ADAM23: variants seen among roughly 807,000 people sequenced by gnomAD.
ADAM23 encodes disintegrin and metalloproteinase domain-containing protein 23.
ADAM23 carries 33 observed loss-of-function variants against 120.1 expected under a neutral mutation model. That is an observed-to-expected ratio of 0.27 (90% CI 0.21 to 0.37). The LOEUF is 0.37. ADAM23 is among the 10% of genes least tolerant of loss of function. The pLI, the probability that ADAM23 is intolerant of heterozygous loss-of-function variation, is 1.00. For missense variants in ADAM23, 862 were observed against 1,058.2 expected, an observed-to-expected ratio of 0.81 and a Z score of 2.57; for synonymous variants, 367 against 375.2, an observed-to-expected ratio of 0.98 and a Z score of 0.25.
intron 18 of ADAM23, among the ~76,000 whole-genome samples, chr2:206,584,846 C>T (rs989061339): frequency 1.3e-5 from 2 of 152,180 alleles, no homozygotes; most frequent in African/African-American, 2.4e-5. Context: ...TGGCCACCTT[C>T]CCGTTGGATC....
At chr2:206,550,417 A>G (rs1201760459) in intron 9 of ADAM23, among the ~76,000 whole-genome samples, 1 of 152,030 alleles carries the variant, frequency 6.6e-6, no homozygotes. Context: ...TAAAATTCTT[A>G]TTCTCTACTT....
rs1382462819 is a variant in ADAM23, at chr2:206,596,168, T to C, written c.2359+6T>C. 1 of 1,611,464 alleles carries C rather than the reference T, an allele frequency of 6.2e-7. No homozygotes were observed. The highest frequency in any genetic ancestry group is 1.1e-5 in the South Asian group (1 of 90,712). ...CAAGGATGAAGGACCCAAGGGTTTG[T>C]GTGATTTTGGTTTCAATTCATGGAA... On this transcript the variant is annotated splice_donor_region_variant and intron_variant, in intron 24 of 25. Transcript: ENST00000264377.
At chr2:206,499,089 G>A (rs1696323211) in intron 3 of ADAM23, among the ~76,000 whole-genome samples, 1 of 152,016 alleles carries the variant, frequency 6.6e-6, no homozygotes, top group African/African-American at 2.4e-5. Context: ...TCAGTGTGAT[G>A]ATTCCTCAGG....
chr2:206,445,601 A>T, intron 2 of ADAM23, 77 bp downstream of exon 2: 1 of 1,310,170 alleles, frequency 7.6e-7, no homozygotes, highest in Non-Finnish European at 1.1e-6. Context: ...CCAGAATCTG[A>T]GTTCACAAAT....
At chr2:206,599,120 G>A (rs182967313) in intron 24 of ADAM23, among the ~76,000 whole-genome samples, 7 of 150,390 alleles carry the variant, frequency 4.7e-5, no homozygotes, top group South Asian at 2.1e-4. Context: ...TAGGAGAATC[G>A]CTTGAACCCA....
chr2:206,482,903 A>C (rs1695926908), intron 3 of ADAM23, among the ~76,000 whole-genome samples: 1 of 152,208 alleles, frequency 6.6e-6, no homozygotes, highest in African/African-American at 2.4e-5. Flanking sequence ...CTGAAGAGGC[A>C]AGGCCACGTT....
chr2:206,477,895 A>ATATATATATATAT (rs1553548627), intron 2 of ADAM23, among the ~76,000 whole-genome samples: 162 of 101,732 alleles, frequency 1.6e-3, no homozygotes, highest in African/African-American at 2.4e-3. Context: ...AAAAAAAAAA[A>ATATATATATATAT]AAATATATAT....
chr2:206,567,085 A>G (rs1284775666), intron 14 of ADAM23, 138 bp from the exon 15 acceptor site: 15 of 657,438 alleles, frequency 2.3e-5, no homozygotes, highest in Non-Finnish European at 1.0e-5. Flanking sequence ...CAATTTGAAC[A>G]TAAGTCCCTT....
At chr2:206,457,479 G>A (rs1695322905) in intron 2 of ADAM23, among the ~76,000 whole-genome samples, 1 of 152,118 alleles carries the variant, frequency 6.6e-6, no homozygotes, top group Admixed American at 6.5e-5. Context: ...CTTTCTTCTT[G>A]ATGATAAAGA....
intron 2 of ADAM23, among the ~76,000 whole-genome samples, chr2:206,462,037 G>A (rs892975466): frequency 4.6e-5 from 7 of 152,126 alleles, no homozygotes; most frequent in African/African-American, 7.2e-5. Context: ...ACACTGCCTC[G>A]ATTTATCACT....
intron 15 of ADAM23, among the ~76,000 whole-genome samples, chr2:206,568,816 T>A (rs1361842524): frequency 6.6e-6 from 1 of 152,258 alleles, no homozygotes; most frequent in African/African-American, 2.4e-5. Context: ...TTAACCTTTT[T>A]TTTTAAATCA....
chr2:206,495,875 A>G (rs188257606), intron 3 of ADAM23, among the ~76,000 whole-genome samples: 1 of 152,242 alleles, frequency 6.6e-6, no homozygotes. Context: ...AACAGACTTT[A>G]AACCAACAAA....
intron 6 of ADAM23, 96 bp from the exon 7 acceptor site, chr2:206,547,333 C>A: frequency 2.2e-6 from 2 of 924,290 alleles, no homozygotes; most frequent in Non-Finnish European, 3.2e-6. Context: ...TAAATATTCC[C>A]ATTTTAGGAA....
chr2:206,443,866 C>T lies in ADAM23; in HGVS notation c.-1C>T, dbSNP rs1695013543. Reference sequence around the variant, plus strand: ...GGAGCGGCGCCCGGGAGCTATGAGCCATGAAGCCGCCCGGCAGCAGCTCGC... The same window carrying T: ...GGAGCGGCGCCCGGGAGCTATGAGCTATGAAGCCGCCCGGCAGCAGCTCGC... On this transcript the variant is annotated 5_prime_UTR_variant, in exon 1 of 26. Coordinates refer to ENST00000264377, the MANE Select transcript of ADAM23 (RefSeq NM_003812.4). 14 of 1,136,880 alleles carry T rather than the reference C, an allele frequency of 1.2e-5. No individual in the cohort carries two copies. Among genetic ancestry groups the T allele is most frequent in the Non-Finnish European group, 1.1e-5 (10 of 929,682 alleles). 70.4% of individuals were successfully genotyped at this position (1,136,880 alleles called of 1,614,324 possible).
chr2:206,477,897 A>AAAAATAT (rs374524658), intron 2 of ADAM23, among the ~76,000 whole-genome samples: 8 of 93,576 alleles, frequency 8.5e-5, no homozygotes, highest in African/African-American at 4.1e-4. Context: ...AAAAAAAAAA[A>AAAAATAT]ATATATATAT....
intron 3 of ADAM23, among the ~76,000 whole-genome samples, chr2:206,492,943 GT>G (rs1259655024): frequency 6.6e-5 from 10 of 152,266 alleles, no homozygotes; most frequent in Middle Eastern, 3.4e-3. Flanking sequence ...TATCATTTGT[GT>G]CTTAACCTTG....
At chr2:206,611,699 A>G (rs1304728704) in intron 25 of ADAM23, among the ~76,000 whole-genome samples, 2 of 152,236 alleles carry the variant, frequency 1.3e-5, no homozygotes, top group Non-Finnish European at 2.9e-5. Context: ...AGAGCACACT[A>G]TTCTGTAGCA....
rs1396784340 is a variant in ADAM23, at chr2:206,620,658, C to T, written c.*3031C>T. The T allele has an allele frequency of 6.6e-6, 1 of 152,098 alleles. No individual in the cohort carries two copies. Among genetic ancestry groups the T allele is most frequent in the Non-Finnish European group, 1.5e-5 (1 of 68,004 alleles). The allele number at this position is 152,098 out of a possible 1,614,324, so 9.4% of individuals were successfully genotyped here. On this transcript the variant is annotated 3_prime_UTR_variant, in exon 26 of 26. Transcript: ENST00000264377. ...CTACTTTTGCTGCATTAATTAATGA[C>T]ACCCGGATGAGGAGACGTGCGCTAA...
intron 2 of ADAM23, among the ~76,000 whole-genome samples, chr2:206,470,087 C>A (rs1025938062): frequency 1.3e-5 from 2 of 152,034 alleles, no homozygotes; most frequent in Admixed American, 1.3e-4. Context: ...AAAACACACA[C>A]CCTAAAATGT....
Sources: allele counts gnomAD v4.1 joint callset (sites outside exome capture counted in the v4.1 genomes callset), GRCh38; gene constraint gnomAD v4.1.1; transcripts MANE v1.5; gene names NCBI Gene and HGNC (gene_info 2026-07-23, HGNC 2026-07-21).